Variants in CNKSR3 observed in about 807,000 individuals in gnomAD.
The protein encoded by CNKSR3 is CNKSR family member 3.
Under a neutral mutation model 67.7 loss-of-function variants are expected in CNKSR3, and 36 were observed. The observed-to-expected ratio is 0.53, with a 90% CI of 0.41 to 0.70. The LOEUF is 0.70. Ranked by LOEUF, CNKSR3 falls within the 30% of genes least tolerant of loss-of-function variation. CNKSR3 has a pLI of 0.00. For synonymous variants in CNKSR3, 281 were observed against 271.4 expected (o/e 1.04, Z -0.35); for missense variants, 630 against 695.2 (o/e 0.91, Z 1.05).
Position 154,394,838 on chromosome 6 carries a change from G to A in CNKSR3, c.*11516C>T, listed in dbSNP as rs918168495. On this transcript the variant is annotated 3_prime_UTR_variant, in exon 13 of 13. Transcript: ENST00000607772. ...CCTCTCCCCACGCTGTTCACAAGAA[G>A]AGCATATAGAGAACCTGCATATATA... 6.6e-6 allele frequency: 1 copy of A among 152,174 alleles called. No homozygotes were observed. The highest frequency in any genetic ancestry group is 2.4e-5 in the African/African-American group (1 of 41,448). 9.4% of individuals were successfully genotyped at this position (152,174 alleles called of 1,614,324 possible).
At position 154,390,048 on chromosome 6, in the gene CNKSR3, C is replaced by T. The variant is rs180728136; in HGVS notation, c.*16306G>A. 2.0e-5 allele frequency: 3 copies of T among 152,326 alleles called. No homozygotes were observed. Among genetic ancestry groups the T allele is most frequent in the South Asian group, 2.1e-4 (1 of 4,822 alleles). 9.4% of individuals were successfully genotyped at this position (152,326 alleles called of 1,614,324 possible). A position where few individuals can be genotyped will look rare whatever the true frequency, so the allele number is the denominator to read the frequency against. The stretch of plus-strand genomic sequence containing the variant: ...CATTATACATCATCATCAGTCCACA[C>T]ATATCCCTCTTTTATTTCATTTCAT... On this transcript the variant is annotated 3_prime_UTR_variant, in exon 13 of 13. Transcript: ENST00000607772.
intron 3 of CNKSR3, among the ~76,000 whole-genome samples, chr6:154,441,746 C>CA (rs1785593129): frequency 6.8e-6 from 1 of 147,372 alleles, no homozygotes; most frequent in Non-Finnish European, 1.5e-5. Context: ...AGATTAAAAA[C>CA]AAAACAAAAC....
intron 2 of CNKSR3, among the ~76,000 whole-genome samples, chr6:154,449,701 T>C (rs1785782316): frequency 6.6e-6 from 1 of 152,212 alleles, no homozygotes; most frequent in African/African-American, 2.4e-5. Context: ...TACAGAGATT[T>C]TCTGAAAAAG....
At chr6:154,432,511 T>C (rs1233324201) in intron 5 of CNKSR3, among the ~76,000 whole-genome samples, 1 of 152,232 alleles carries the variant, frequency 6.6e-6, no homozygotes, top group East Asian at 1.9e-4. Context: ...CATAGCAGTT[T>C]TTAATTTTAA....
intron 5 of CNKSR3, among the ~76,000 whole-genome samples, chr6:154,431,023 C>T (rs1370546818): frequency 2.0e-5 from 3 of 151,282 alleles, no homozygotes; most frequent in Non-Finnish European, 4.4e-5. Context: ...AGCTGTTTCA[C>T]GTTTATAAAA....
Position 154,430,529 on chromosome 6 carries a change from G to T in CNKSR3, c.612C>A (p.Ser204Arg), listed in dbSNP as rs751665833. 1.9e-6 allele frequency: 3 copies of T among 1,612,166 alleles called. No homozygotes were observed. The highest frequency in any genetic ancestry group is 2.7e-5 in the African/African-American group (2 of 74,838). The change falls in exon 6 of 13, where the codon AGC becomes AGA. Residue 204 changes from serine (S) to arginine (R), a missense_variant. Transcript: ENST00000607772. ...GAACTTCCTCCAGACATGCACACTG[G>T]CTCATCACAGGATCTGTGGTAGATC... Reference protein sequence around the residue: ...TIRSTTDPVMSQCACLEEVHL... With the variant: ...TIRSTTDPVMRQCACLEEVHL...
intron 1 of CNKSR3, among the ~76,000 whole-genome samples, chr6:154,476,419 T>C (rs1786451956): frequency 6.7e-6 from 1 of 149,104 alleles, no homozygotes; most frequent in African/African-American, 2.5e-5. Context: ...ATCGTGCCAT[T>C]GCACTCCAGC....
chr6:154,438,869 A>G (rs1785525589), intron 4 of CNKSR3, among the ~76,000 whole-genome samples: 1 of 152,208 alleles, frequency 6.6e-6, no homozygotes, highest in African/African-American at 2.4e-5. Flanking sequence ...CTTAGGCCCC[A>G]ATAAGCTGGG....
At chr6:154,458,071 A>G (rs1582876923) in intron 1 of CNKSR3, among the ~76,000 whole-genome samples, 1 of 152,170 alleles carries the variant, frequency 6.6e-6, no homozygotes, top group Non-Finnish European at 1.5e-5. Flanking sequence ...TGGTTTACAG[A>G]TTGCCTCTGG....
chr6:154,464,665 G>A (rs1030715874), intron 1 of CNKSR3, among the ~76,000 whole-genome samples: 1 of 151,074 alleles, frequency 6.6e-6, no homozygotes, highest in Non-Finnish European at 1.5e-5. Context: ...GCAGTGAGCC[G>A]AGATTGCACC....
intron 2 of CNKSR3, among the ~76,000 whole-genome samples, chr6:154,443,647 ACACT>A (rs1376268921): frequency 2.0e-5 from 3 of 152,040 alleles, no homozygotes; most frequent in Admixed American, 6.6e-5. Context: ...ACCAGGCGAG[ACACT>A]CACACAAAAA....
chr6:154,477,217 G>T (rs1160038979), intron 1 of CNKSR3, among the ~76,000 whole-genome samples: 2 of 152,106 alleles, frequency 1.3e-5, no homozygotes, highest in Admixed American at 6.5e-5. Context: ...AAAAATGATT[G>T]TAACATTATA....
intron 1 of CNKSR3, among the ~76,000 whole-genome samples, chr6:154,508,420 T>C (rs1277840068): frequency 6.6e-6 from 1 of 152,124 alleles, no homozygotes; most frequent in Non-Finnish European, 1.5e-5. Flanking sequence ...GAGCCACAAG[T>C]GGTACTGGTT....
chr6:154,506,004 T>C (rs1382014902), intron 1 of CNKSR3, among the ~76,000 whole-genome samples: 1 of 152,162 alleles, frequency 6.6e-6, no homozygotes, highest in Non-Finnish European at 1.5e-5. Flanking sequence ...AAGGACCTCA[T>C]ATAAGTTCAG....
At chr6:154,421,221 C>T (rs967335539) in intron 9 of CNKSR3, among the ~76,000 whole-genome samples, 2 of 152,186 alleles carry the variant, frequency 1.3e-5, no homozygotes, top group African/African-American at 4.8e-5. Flanking sequence ...GCCACGTTGG[C>T]CAGGCTGGTC....
intron 1 of CNKSR3, among the ~76,000 whole-genome samples, chr6:154,505,416 C>A (rs975045958): frequency 2.0e-5 from 3 of 151,372 alleles, no homozygotes; most frequent in Non-Finnish European, 2.9e-5. Flanking sequence ...CAGAAGCTGG[C>A]CAGAGAGACT....
intron 2 of CNKSR3, among the ~76,000 whole-genome samples, chr6:154,445,207 T>C (rs922648878): frequency 6.6e-6 from 1 of 152,132 alleles, no homozygotes. Flanking sequence ...GAAAATGTTC[T>C]CTTCCAAACT....
At position 154,453,978 on chromosome 6, in the gene CNKSR3, A is replaced by G. The variant is rs1785893553; in HGVS notation, c.53-3720T>C. 2.0e-5 allele frequency among the ~76,000 whole-genome samples: 3 copies of G among 151,998 alleles called. No individual in the cohort carries two copies. The South Asian group carries it at 6.2e-4, about 32-fold the overall frequency. ...TAAATGTGAAGGAAAAAGAGAAGAA[A>G]TTCTCACAGAAAGGGAGCCACAGGG... On this transcript the variant is annotated intron_variant, in intron 1 of 12. Transcript: ENST00000607772.
chr6:154,406,706 A>G, intron 12 of CNKSR3, 54 bp from the exon 13 acceptor site: 1 of 1,500,656 alleles, frequency 6.7e-7, no homozygotes, highest in Admixed American at 2.0e-5. Flanking sequence ...GTGGTGGCTC[A>G]CACCTGTAAT....
Sources: allele counts gnomAD v4.1 joint callset (sites outside exome capture counted in the v4.1 genomes callset), GRCh38; gene constraint gnomAD v4.1.1; transcripts MANE v1.5; gene names NCBI Gene and HGNC (gene_info 2026-07-23, HGNC 2026-07-21).